Variants in DMD observed in about 807,000 individuals in gnomAD.
The protein encoded by DMD is mutant dystrophin.
A neutral mutation model predicts 330.1 loss-of-function variants in DMD; 63 were observed. The observed-to-expected ratio is 0.19, with a 90% CI of 0.16 to 0.24. DMD has a LOEUF of 0.24. Among genes scored for constraint, DMD ranks in the 10% least tolerant of loss-of-function variants. The pLI is 1.00. For missense variants in DMD, 3,344 were observed against 2,684.1 expected, an observed-to-expected ratio of 1.25 and a Z score of -5.43; for synonymous variants, 1,223 against 959.8, an observed-to-expected ratio of 1.27 and a Z score of -5.07.
intron 41 of DMD, among the ~76,000 whole-genome samples, chrX:32,321,186 G>A (rs911129293): frequency 1.4e-4 from 16 of 111,629 alleles, no homozygotes; most frequent in Non-Finnish European, 1.9e-5. Flanking sequence ...AAATAGAAAT[G>A]TTGAGAATGG....
intron 47 of DMD, among the ~76,000 whole-genome samples, chrX:31,915,365 G>A (rs999687874): frequency 8.9e-6 from 1 of 112,105 alleles, no homozygotes; most frequent in South Asian, 3.7e-4. Context: ...CAGAGACTAC[G>A]TACCTAGGCT....
chrX:31,341,891 G>GCGCGCGCGCACA (rs374298104), intron 61 of DMD, among the ~76,000 whole-genome samples: 1,385 of 98,863 alleles, frequency 0.014, 14 homozygotes, highest in Non-Finnish European at 0.021. Context: ...GTGCGCGCGC[G>GCGCGCGCGCACA]CACACACACA....
chrX:33,095,987 T>TC (rs2095154172), intron 1 of DMD, among the ~76,000 whole-genome samples: 1 of 89,468 alleles, frequency 1.1e-5, no homozygotes, highest in African/African-American at 4.1e-5. Context: ...TTTTTTTTTT[T>TC]TTTTTGAGAT....
chrX:31,213,642 T>C (rs2045003979), intron 64 of DMD, among the ~76,000 whole-genome samples: 1 of 111,898 alleles, frequency 8.9e-6, no homozygotes, highest in African/African-American at 3.3e-5. Context: ...ATTCTTGTTT[T>C]AATGTTGTGG....
intron 52 of DMD, among the ~76,000 whole-genome samples, chrX:31,682,647 A>G (rs1249726750): frequency 1.8e-5 from 2 of 112,336 alleles, no homozygotes; most frequent in Admixed American, 1.9e-4. Flanking sequence ...ACTGTTATGT[A>G]CCATGTGTAT....
intron 54 of DMD, among the ~76,000 whole-genome samples, chrX:31,657,369 A>G (rs935941906): frequency 1.8e-5 from 2 of 112,418 alleles, no homozygotes; most frequent in Non-Finnish European, 3.8e-5. Flanking sequence ...ACAATTAGTT[A>G]CATAATTTAT....
At chrX:31,983,418 T>A (rs934878742) in intron 44 of DMD, among the ~76,000 whole-genome samples, 1 of 111,799 alleles carries the variant, frequency 8.9e-6, no homozygotes, top group African/African-American at 3.2e-5. Context: ...TCAATAAAAC[T>A]TAAAACTGAA....
At chrX:32,264,140 C>T (rs1285365576) in intron 43 of DMD, among the ~76,000 whole-genome samples, 1 of 110,345 alleles carries the variant, frequency 9.1e-6, no homozygotes, top group East Asian at 2.9e-4. Context: ...GGTGGTCACT[C>T]CCGTGCTGCT....
chrX:31,422,554 G>A (rs1254533783), intron 60 of DMD, among the ~76,000 whole-genome samples: 1 of 111,841 alleles, frequency 8.9e-6, no homozygotes, highest in Non-Finnish European at 1.9e-5. Flanking sequence ...ATGTTGACGG[G>A]CAATGGTTAA....
intron 1 of DMD, among the ~76,000 whole-genome samples, chrX:33,116,357 G>A (rs190153846): frequency 0.029 from 3,140 of 109,592 alleles, 125 homozygotes; most frequent in African/African-American, 0.099. Context: ...CAAAAAGTAC[G>A]AAAATTAGCT....
intron 76 of DMD, among the ~76,000 whole-genome samples, chrX:31,136,364 T>G (rs1293156027): frequency 1.8e-5 from 2 of 112,291 alleles, no homozygotes; most frequent in Non-Finnish European, 3.8e-5. Context: ...AGTTTCATTT[T>G]TCTTGCGGTT....
chrX:31,364,665 T>C (rs1815252532), intron 60 of DMD, among the ~76,000 whole-genome samples: 1 of 112,118 alleles, frequency 8.9e-6, no homozygotes, highest in Admixed American at 9.4e-5. Flanking sequence ...ACAAAGCACA[T>C]TGCCTTTTTA....
At chrX:31,345,354 G>A (rs1292866366) in intron 61 of DMD, among the ~76,000 whole-genome samples, 3 of 111,561 alleles carry the variant, frequency 2.7e-5, no homozygotes, top group Admixed American at 9.6e-5. Context: ...GCTTATGGCC[G>A]ATGTTCTACC....
intron 7 of DMD, among the ~76,000 whole-genome samples, chrX:32,709,367 T>C (rs2064976821): frequency 8.9e-6 from 1 of 112,055 alleles, no homozygotes; most frequent in Admixed American, 9.5e-5. Flanking sequence ...ATGTAATAAA[T>C]GATGTTAAGA....
At chrX:32,341,344 C>T (rs991729380) in intron 41 of DMD, among the ~76,000 whole-genome samples, 3 of 111,586 alleles carry the variant, frequency 2.7e-5, no homozygotes, top group Non-Finnish European at 5.7e-5. Flanking sequence ...AAAAATGTAC[C>T]TGTCAGAAAA....
intron 34 of DMD, among the ~76,000 whole-genome samples, chrX:32,371,302 T>G (rs1026490183): frequency 9.0e-6 from 1 of 111,502 alleles, no homozygotes; most frequent in African/African-American, 3.2e-5. Context: ...ATTTAACACC[T>G]TCAGTTAAAT....
At chrX:31,392,702 G>A (rs966328462) in intron 60 of DMD, among the ~76,000 whole-genome samples, 3 of 112,259 alleles carry the variant, frequency 2.7e-5, no homozygotes, top group South Asian at 3.7e-4. Context: ...ATGGCTGTAC[G>A]TAATAAAGCT....
chrX:32,609,743 A>G (rs1345952235), intron 12 of DMD, among the ~76,000 whole-genome samples: 1 of 111,234 alleles, frequency 9.0e-6, no homozygotes, highest in Non-Finnish European at 1.9e-5. Context: ...CTTAGTTTGT[A>G]TTAATCAGTA....
chrX:33,155,991 C>A (rs1031871162), intron 1 of DMD, among the ~76,000 whole-genome samples: 1 of 111,440 alleles, frequency 9.0e-6, no homozygotes, highest in Non-Finnish European at 1.9e-5. Flanking sequence ...TTTTTCAGAT[C>A]TTTGAGCCTC....
Sources: allele counts gnomAD v4.1 joint callset (sites outside exome capture counted in the v4.1 genomes callset), GRCh38; gene constraint gnomAD v4.1.1; transcripts MANE v1.5; gene names NCBI Gene and HGNC (gene_info 2026-07-23, HGNC 2026-07-21).